Variants in GALNTL6 observed in about 807,000 individuals in gnomAD.
GALNTL6 encodes the protein polypeptide N-acetylgalactosaminyltransferase like 6.
A neutral mutation model predicts 73.7 loss-of-function variants in GALNTL6; 46 were observed. The observed-to-expected ratio is 0.62, with a 90% CI of 0.49 to 0.80. The LOEUF (loss-of-function observed/expected upper bound fraction) is 0.80, where lower values mean the gene tolerates loss of function less well. Ranked by LOEUF, GALNTL6 falls within the 30% of genes least tolerant of loss-of-function variation. The pLI is 0.00. For synonymous variants in GALNTL6, 259 were observed against 263.7 expected (o/e 0.98, Z 0.17); for missense variants, 604 against 755.0 (o/e 0.80, Z 2.34).
intron 5 of GALNTL6, among the ~76,000 whole-genome samples, chr4:172,728,107 T>C (rs763125973): frequency 8.5e-5 from 13 of 152,090 alleles, no homozygotes; most frequent in African/African-American, 2.2e-4. Flanking sequence ...AGAGATGGGG[T>C]TTCACTGTGT....
intron 3 of GALNTL6, among the ~76,000 whole-genome samples, chr4:172,290,080 T>C (rs1192089782): frequency 6.6e-6 from 1 of 152,152 alleles, no homozygotes; most frequent in Non-Finnish European, 1.5e-5. Context: ...TTTATCTGCT[T>C]TATTTGGGAA....
Position 172,568,260 on chromosome 4 carries a change from A to T in GALNTL6, c.553+219571A>T, listed in dbSNP as rs192439222. Among the ~76,000 whole-genome samples the T allele has an allele frequency of 6.6e-5, 10 of 152,220 alleles. No individual in the cohort carries two copies. The East Asian group carries it at 1.9e-3, about 30-fold the overall frequency. ...GATTTATCTAAATCATGGACAAATA[A>T]ACTCACATGGAATGCTTTCTGGAAT... On this transcript the variant is annotated intron_variant, in intron 5 of 12. Transcript: ENST00000506823.
At chr4:172,169,856 G>C (rs552222450) in intron 2 of GALNTL6, among the ~76,000 whole-genome samples, 23 of 152,292 alleles carry the variant, frequency 1.5e-4, no homozygotes, top group Non-Finnish European at 2.8e-4. Context: ...TTCAGAAGTC[G>C]TGGTAAGAAT....
chr4:172,843,090 T>G (rs1743304514), intron 7 of GALNTL6, among the ~76,000 whole-genome samples: 1 of 152,168 alleles, frequency 6.6e-6, no homozygotes, highest in Admixed American at 6.5e-5. Flanking sequence ...CTAAGAGCCC[T>G]GTCAAAGGTC....
At chr4:172,910,892 T>C (rs186486925) in intron 8 of GALNTL6, among the ~76,000 whole-genome samples, 1 of 152,332 alleles carries the variant, frequency 6.6e-6, no homozygotes, top group Non-Finnish European at 1.5e-5. Context: ...TTGCAGTGAA[T>C]GTTCCATATG....
At chr4:172,900,417 C>T (rs1746565602) in intron 8 of GALNTL6, among the ~76,000 whole-genome samples, 2 of 152,112 alleles carry the variant, frequency 1.3e-5, no homozygotes, top group African/African-American at 4.8e-5. Flanking sequence ...TTCTTAAGTT[C>T]ACTGTTAACC....
chr4:172,147,948 G>C (rs758827712), intron 2 of GALNTL6, among the ~76,000 whole-genome samples: 2 of 152,046 alleles, frequency 1.3e-5, no homozygotes, highest in East Asian at 1.9e-4. Flanking sequence ...CTGGCTGAAG[G>C]TCAAATTTTG....
intron 5 of GALNTL6, among the ~76,000 whole-genome samples, chr4:172,636,910 T>A (rs949558572): frequency 3.3e-5 from 5 of 152,198 alleles, no homozygotes; most frequent in Non-Finnish European, 7.3e-5. Flanking sequence ...TAGTTTGATT[T>A]TTTTTCAACT....
At chr4:172,439,041 C>T (rs1185843530) in intron 5 of GALNTL6, among the ~76,000 whole-genome samples, 1 of 151,998 alleles carries the variant, frequency 6.6e-6, no homozygotes, top group East Asian at 1.9e-4. Flanking sequence ...TCCTCTCTCT[C>T]ATTGTTATAA....
chr4:172,384,204 G>A (rs1743382694), intron 5 of GALNTL6, among the ~76,000 whole-genome samples: 1 of 152,118 alleles, frequency 6.6e-6, no homozygotes. Context: ...GAGTTCATCA[G>A]TGAAGCAGGT....
At chr4:172,379,462 G>A (rs1488155671) in intron 5 of GALNTL6, among the ~76,000 whole-genome samples, 134 of 145,738 alleles carry the variant, frequency 9.2e-4, no homozygotes, top group African/African-American at 3.1e-3. Flanking sequence ...CCCGGGAAGC[G>A]GAGCTTGCAG....
intron 5 of GALNTL6, among the ~76,000 whole-genome samples, chr4:172,503,381 A>G (rs1734330099): frequency 6.6e-6 from 1 of 151,890 alleles, no homozygotes. Context: ...ATTTACCTGA[A>G]TTTGGCTCAT....
At chr4:171,960,692 A>G (rs1459216074) in intron 2 of GALNTL6, among the ~76,000 whole-genome samples, 220 of 52,298 alleles carry the variant, frequency 4.2e-3, no homozygotes, top group African/African-American at 0.013. Context: ...TTTATTTAAA[A>G]AAAAAAAAAA....
intron 9 of GALNTL6, among the ~76,000 whole-genome samples, chr4:172,931,575 A>T (rs891594309): frequency 5.9e-5 from 9 of 152,194 alleles, no homozygotes; most frequent in Non-Finnish European, 1.2e-4. Context: ...GTTCATGCTC[A>T]CATGAATGCC....
intron 5 of GALNTL6, among the ~76,000 whole-genome samples, chr4:172,520,307 A>G (rs1734735207): frequency 6.6e-6 from 1 of 151,964 alleles, no homozygotes; most frequent in African/African-American, 2.4e-5. Context: ...CATTTCTGAA[A>G]TAATTGTAAT....
intron 5 of GALNTL6, among the ~76,000 whole-genome samples, chr4:172,629,784 A>G (rs1056680834): frequency 5.3e-5 from 8 of 152,164 alleles, no homozygotes. Context: ...ATATTAAATA[A>G]AATCCTGTGC....
At chr4:172,447,768 G>C (rs114481808) in intron 5 of GALNTL6, among the ~76,000 whole-genome samples, 3,464 of 152,046 alleles carry the variant, frequency 0.023, 130 homozygotes, top group African/African-American at 0.079. Flanking sequence ...CTTAATGTGG[G>C]TCAGAGCCTA....
chr4:172,956,037 G>T (rs1208514696), intron 10 of GALNTL6, among the ~76,000 whole-genome samples: 1 of 152,078 alleles, frequency 6.6e-6, no homozygotes, highest in Non-Finnish European at 1.5e-5. Flanking sequence ...GAATATGATG[G>T]CTTAGCTTTG....
intron 2 of GALNTL6, among the ~76,000 whole-genome samples, chr4:172,174,977 G>A (rs941951551): frequency 3.3e-5 from 5 of 152,024 alleles, no homozygotes; most frequent in East Asian, 1.9e-4. Context: ...TACTTAACAC[G>A]CACTGCAGAT....
Sources: gnomAD v4.1 joint callset for allele counts (sites outside exome capture counted in the v4.1 genomes callset) on GRCh38, gnomAD v4.1.1 for gene constraint, MANE v1.5 for transcripts, NCBI Gene and HGNC (gene_info 2026-07-23, HGNC 2026-07-21) for gene names.